The following ECHDC3 variants were observed in gnomAD, a reference collection of about 807,000 sequenced individuals.
ECHDC3 encodes enoyl-CoA hydratase domain-containing protein 3, mitochondrial.
Under a neutral mutation model 17.9 loss-of-function variants are expected in ECHDC3, and 20 were observed. The observed-to-expected ratio is 1.12, with a 90% CI of 0.79 to 1.63. ECHDC3 has a LOEUF of 1.63. Ranked by LOEUF, ECHDC3 falls within the 40% of genes most tolerant of loss-of-function variation. The pLI is 0.00. For synonymous variants in ECHDC3, 177 were observed against 149.7 expected, an observed-to-expected ratio of 1.18 and a Z score of -1.33; for missense variants, 407 against 357.7, an observed-to-expected ratio of 1.14 and a Z score of -1.11.
Position 11,742,467 on chromosome 10 carries a change from G to A in ECHDC3, c.-110G>A. 1.6e-5 allele frequency: 18 copies of A among 1,106,900 alleles called. No homozygotes were observed. Among genetic ancestry groups the A allele is most frequent in the Non-Finnish European group, 2.1e-5 (18 of 876,982 alleles). 68.6% of individuals were successfully genotyped at this position (1,106,900 alleles called of 1,614,324 possible). A position where few individuals can be genotyped will look rare whatever the true frequency, so the allele number is the denominator to read the frequency against. On this transcript the variant is annotated 5_prime_UTR_variant, in exon 1 of 5. Coordinates refer to ENST00000379215, the MANE Select transcript of ECHDC3 (RefSeq NM_024693.5). ...CCGTCCGGGTCTCGGCCACCGTCGA[G>A]TTCCGTCGAGTTCCGTCCCGGCCCT...
intron 1 of ECHDC3, among the ~76,000 whole-genome samples, chr10:11,745,764 A>G (rs1325929405): frequency 1.3e-5 from 2 of 152,208 alleles, no homozygotes; most frequent in African/African-American, 4.8e-5. Context: ...AATATATAAT[A>G]ACAATCTGGT....
Position 11,742,567 on chromosome 10 carries a change from C to T in ECHDC3, c.-10C>T. 1 of 1,278,508 alleles carries T rather than the reference C, an allele frequency of 7.8e-7. No individual in the cohort carries two copies. Among genetic ancestry groups the T allele is most frequent in the Non-Finnish European group, 9.8e-7 (1 of 1,015,344 alleles). 79.2% of individuals were successfully genotyped at this position (1,278,508 alleles called of 1,614,324 possible). A position where few individuals can be genotyped will look rare whatever the true frequency, so the allele number is the denominator to read the frequency against. Reference sequence around the variant, plus strand: ...GCGCGATCCTGCGGCGTCTGGCCATCCCGAATGCTATGGCCGCCGTCGCCG... The same window carrying T: ...GCGCGATCCTGCGGCGTCTGGCCATTCCGAATGCTATGGCCGCCGTCGCCG... On this transcript the variant is annotated 5_prime_UTR_variant, in exon 1 of 5. Transcript: ENST00000379215.
In ECHDC3 at chr10:11,755,579, G is replaced by A; in HGVS notation, c.562G>A (p.Val188Ile). 1 of 1,613,786 alleles carries A rather than the reference G, an allele frequency of 6.2e-7. No individual in the cohort carries two copies. Among genetic ancestry groups the A allele is most frequent in the Non-Finnish European group, 8.5e-7 (1 of 1,179,920 alleles). ...CGGGCTCTTCTGTTCTACCCCTGGG[G>A]TTGCCTTGGCAAGAGCAGTGCCTAG... ...NVGLFCSTPG[V>I]ALARAVPRKV... The change falls in exon 4 of 5, where the codon GTT becomes ATT. Residue 188 changes from valine to isoleucine, a missense_variant. Physicochemically the swap from Val to Ile is conservative, Grantham distance 29. Transcript: ENST00000379215.
chr10:11,750,059 G>A (rs796782550), intron 3 of ECHDC3, among the ~76,000 whole-genome samples: 4 of 152,140 alleles, frequency 2.6e-5, no homozygotes, highest in African/African-American at 7.2e-5. Flanking sequence ...ACCTTCCAAA[G>A]TGCTGGGATT....
chr10:11,742,684 CG>C lies in ECHDC3; in HGVS notation c.112del (p.Ala38ArgfsTer19), dbSNP rs1413181524. On this transcript the variant is annotated frameshift_variant, in exon 1 of 5. Coordinates refer to ENST00000379215, the MANE Select transcript of ECHDC3 (RefSeq NM_024693.5). LOFTEE classifies it high-confidence loss of function. Reference sequence around the variant, plus strand: ...CCCGCTTCTGCAGCCGGGACCCGGCCGGGGCGGGGCGGCGGGAGTCGGAGCC... The same window carrying C: ...CCCGCTTCTGCAGCCGGGACCCGGCCGGGCGGGGCGGCGGGAGTCGGAGCC... ...PARFCSRDPA[G>X]AGRRESEPRP... 2 of 1,243,536 alleles carry C rather than the reference CG, an allele frequency of 1.6e-6. No individual in the cohort carries two copies. Among genetic ancestry groups the C allele is most frequent in the African/African-American group, 1.6e-5 (1 of 63,906 alleles). 77.0% of individuals were successfully genotyped at this position (1,243,536 alleles called of 1,614,324 possible).
In ECHDC3 at chr10:11,759,924, G is replaced by C. The variant is rs548398305; in HGVS notation, c.592-3300G>C. Among the ~76,000 whole-genome samples, 50 of 152,316 alleles carry C rather than the reference G, an allele frequency of 3.3e-4. No individual in the cohort carries two copies. In the South Asian group the frequency reaches 9.3e-3, roughly 28 times the overall value. On this transcript the variant is annotated intron_variant, in intron 4 of 4. Transcript: ENST00000379215. ...AGGAGGTGCTCATTTTTGTTTTCCA[G>C]ATGAAACAAACTCCAAGGCGTTAGT...
At position 11,763,316 on chromosome 10, in the gene ECHDC3, G is replaced by A. The variant is rs1313963133; in HGVS notation, c.684G>A (p.Glu228=). Residue 228 remains glutamate (E), a synonymous_variant, in exon 5 of 5, where the codon GAG becomes GAA. Transcript: ENST00000379215. The surrounding 1 kb of genome is among the most constrained non-coding windows in gnomAD (Gnocchi z 4.9). ...TTAGCAAGGTGGTGCCAGAGGCGGA[G>A]CTGCAGGAGGAGACCATGCGGATCG... The part of the protein sequence containing the change: ...GLLSKVVPEA[E]LQEETMRIAR... The A allele has an allele frequency of 2.6e-6, 2 of 780,248 alleles. No homozygotes were observed. The highest frequency in any genetic ancestry group is 2.4e-6 in the Non-Finnish European group (1 of 418,140). The allele number at this position is 780,248 out of a possible 1,614,324, so 48.3% of individuals were successfully genotyped here. A position where few individuals can be genotyped will look rare whatever the true frequency, so the allele number is the denominator to read the frequency against.
At chr10:11,759,674 T>C (rs1457874979) in intron 4 of ECHDC3, among the ~76,000 whole-genome samples, 4 of 152,160 alleles carry the variant, frequency 2.6e-5, no homozygotes, top group African/African-American at 9.6e-5. Flanking sequence ...GTTCTTGCCA[T>C]TTGGGTGGCC....
chr10:11,748,904 C>T (rs1486060942), intron 2 of ECHDC3, among the ~76,000 whole-genome samples: 5 of 152,170 alleles, frequency 3.3e-5, no homozygotes, highest in African/African-American at 1.2e-4. Context: ...ACAACAGCAA[C>T]AAAAGGGAAG....
intron 3 of ECHDC3, 127 bp downstream of exon 3, chr10:11,749,719 T>C (rs1438909655): frequency 1.9e-5 from 11 of 570,754 alleles, no homozygotes; most frequent in East Asian, 9.6e-5. Context: ...AACTGGAAAC[T>C]GTTTGGTCAT....
intron 1 of ECHDC3, among the ~76,000 whole-genome samples, chr10:11,743,248 A>T (rs12267991): frequency 6.6e-6 from 1 of 152,180 alleles, no homozygotes; most frequent in African/African-American, 2.4e-5. Flanking sequence ...TACCCCCTCC[A>T]GGCCTGAGCC....
At chr10:11,758,934 T>C (rs73580993) in intron 4 of ECHDC3, among the ~76,000 whole-genome samples, 224 of 152,374 alleles carry the variant, frequency 1.5e-3, no homozygotes, top group African/African-American at 5.0e-3. Flanking sequence ...GTCTCAATGC[T>C]GTGTCCTCCC....
intron 3 of ECHDC3, among the ~76,000 whole-genome samples, chr10:11,751,043 C>T (rs981642186): frequency 2.6e-5 from 4 of 152,196 alleles, no homozygotes; most frequent in African/African-American, 9.7e-5. Context: ...CTTTCGTTTC[C>T]TACATTAATG....
chr10:11,746,961 T>C (rs1291512300), intron 1 of ECHDC3, among the ~76,000 whole-genome samples: 1 of 152,194 alleles, frequency 6.6e-6, no homozygotes, highest in Non-Finnish European at 1.5e-5. Context: ...AAGAAAGCAG[T>C]GGAAGGTAGC....
At chr10:11,747,178 T>C in intron 1 of ECHDC3, 171 bp from the exon 2 acceptor site, 2 of 766,486 alleles carry the variant, frequency 2.6e-6, no homozygotes, top group African/African-American at 1.8e-5. Flanking sequence ...TTTCTTGTTT[T>C]GACTTGGCTG....
Position 11,760,669 on chromosome 10 carries a change from TG to T in ECHDC3, c.592-2554del, listed in dbSNP as rs1278436355. On this transcript the variant is annotated intron_variant, in intron 4 of 4. Transcript: ENST00000379215. ...CCCTCTGAGTTCCCCAAGAGCCGCC[TG>T]TGTCAGTGGAGGGTAAGTGGCTGGG... is the stretch of plus-strand genomic sequence containing the variant. 6.6e-5 allele frequency among the ~76,000 whole-genome samples: 10 copies of T among 152,310 alleles called. No individual in the cohort carries two copies. The East Asian group carries it at 1.9e-3, about 29-fold the overall frequency.
At chr10:11,753,413 A>G (rs969397471) in intron 3 of ECHDC3, among the ~76,000 whole-genome samples, 7 of 152,150 alleles carry the variant, frequency 4.6e-5, no homozygotes, top group Non-Finnish European at 1.0e-4. Flanking sequence ...TGCTTTTTTA[A>G]TGTTGAATAT....
chr10:11,752,121 T>C (rs1321146044), intron 3 of ECHDC3: 1 of 151,940 alleles, frequency 6.6e-6, no homozygotes, highest in African/African-American at 2.4e-5. Flanking sequence ...TAGTCTTTTT[T>C]TTTTTCTTAA....
At chr10:11,755,761 T>G in intron 4 of ECHDC3, 153 bp downstream of exon 4, 1 of 650,504 alleles carries the variant, frequency 1.5e-6, no homozygotes, top group Non-Finnish European at 2.5e-6. Context: ...GCCAGGATGT[T>G]CCCTCTAATG....
Sources: gnomAD v4.1 joint callset for allele counts (sites outside exome capture counted in the v4.1 genomes callset) on GRCh38, gnomAD v4.1.1 for gene constraint, Gnocchi (gnomAD v3.1) non-coding constraint, MANE v1.5 for transcripts, NCBI Gene and HGNC (gene_info 2026-07-23, HGNC 2026-07-21) for gene names.